NRG1: variants seen among roughly 807,000 people sequenced by gnomAD.
NRG1 encodes the protein neuregulin 1.
NRG1 carries 18 observed loss-of-function variants against 63.8 expected under a neutral mutation model. The observed-to-expected ratio is 0.28, with a 90% CI of 0.19 to 0.42. The LOEUF (loss-of-function observed/expected upper bound fraction) is 0.42, where lower values mean the gene tolerates loss of function less well. Among genes scored for constraint, NRG1 ranks in the 10% least tolerant of loss-of-function variants. The pLI is 1.00. For missense variants in NRG1, 762 were observed against 814.7 expected (o/e 0.94, Z 0.79); for synonymous variants, 302 against 301.3 (o/e 1.00, Z -0.02).
At chr8:31,876,529 T>A (rs1181540903) in intron 1 of NRG1, among the ~76,000 whole-genome samples, 1 of 152,046 alleles carries the variant, frequency 6.6e-6, no homozygotes, top group East Asian at 1.9e-4. Flanking sequence ...GTTGAGAGAG[T>A]GAATAAATGG....
At position 32,242,869 on chromosome 8, in the gene NRG1, T is replaced by A. The variant is rs569013366; in HGVS notation, c.38-352959T>A. Reference sequence around the variant, plus strand: ...ATATTGCTCAAGGTTATCCAGTGTATTGGTTTGCTAGGGCTCTGTAACAAA... The same window carrying A: ...ATATTGCTCAAGGTTATCCAGTGTAATGGTTTGCTAGGGCTCTGTAACAAA... On this transcript the variant is annotated intron_variant, in intron 1 of 10. Coordinates refer to the NRG1 transcript ENST00000519301. Among the ~76,000 whole-genome samples, 3 of 152,334 alleles carry A rather than the reference T, an allele frequency of 2.0e-5. No homozygotes were observed. The South Asian group carries it at 6.2e-4, about 32-fold the overall frequency.
At chr8:31,830,191 A>G (rs1824971031) in intron 1 of NRG1, among the ~76,000 whole-genome samples, 1 of 152,232 alleles carries the variant, frequency 6.6e-6, no homozygotes, top group Admixed American at 6.5e-5. Context: ...GAATGAATAA[A>G]TAAATAAACA....
At chr8:32,286,368 G>A (rs1003758563) in intron 1 of NRG1, among the ~76,000 whole-genome samples, 3 of 152,206 alleles carry the variant, frequency 2.0e-5, no homozygotes, top group African/African-American at 7.2e-5. Flanking sequence ...GGGGCTGATG[G>A]TCAGGGATGG....
rs541909171 is a variant in NRG1, at chr8:32,650,582, T to G, written c.502+33697T>G. ...TTGAAAGGGATTGGTCCAGGCAGCT[T>G]TGTTTTTAGAGACTTGTAAGTGGTT... is the stretch of plus-strand genomic sequence containing the variant. On this transcript the variant is annotated intron_variant, in intron 5 of 11. Coordinates refer to ENST00000356819, the Ensembl canonical transcript of NRG1. Among the ~76,000 whole-genome samples, 4 of 150,716 alleles carry G rather than the reference T, an allele frequency of 2.7e-5. No individual in the cohort carries two copies. The South Asian group carries it at 8.4e-4, about 32-fold the overall frequency.
rs58796067 is a variant in NRG1, at chr8:32,640,620, GCACACACACA to G, written c.502+23768_502+23777del. Reference sequence around the variant, plus strand: ...CCTTCATCCCAAAGATCTCAGACCCGCACACACACACACACACACACACACACACACACAC... The same window carrying G: ...CCTTCATCCCAAAGATCTCAGACCCGCACACACACACACACACACACACAC... On this transcript the variant is annotated intron_variant, in intron 5 of 11. Transcript: ENST00000356819. Among the ~76,000 whole-genome samples, 172 of 132,288 alleles carry G rather than the reference GCACACACACA, an allele frequency of 1.3e-3. 1 individual carries two copies. In the East Asian group the frequency reaches 0.014, roughly 10 times the overall value. 86.8% of individuals were successfully genotyped at this position (132,288 alleles called of 152,430 possible). A position where few individuals can be genotyped will look rare whatever the true frequency, so the allele number is the denominator to read the frequency against.
chr8:31,868,147 TACACACAC>T (rs1047085862), intron 1 of NRG1, among the ~76,000 whole-genome samples: 12 of 32,636 alleles, frequency 3.7e-4, no homozygotes, highest in African/African-American at 5.8e-4. Flanking sequence ...ACATACATCT[TACACACAC>T]ACACACACAC....
At chr8:32,350,737 T>C in intron 1 of NRG1, among the ~76,000 whole-genome samples, 1 of 152,118 alleles carries the variant, frequency 6.6e-6, no homozygotes, top group East Asian at 1.9e-4. Context: ...ATAAAATAAC[T>C]AATATAGGAA....
At chr8:31,834,458 G>C (rs959099982) in intron 1 of NRG1, among the ~76,000 whole-genome samples, 1 of 152,190 alleles carries the variant, frequency 6.6e-6, no homozygotes, top group African/African-American at 2.4e-5. Flanking sequence ...TGTAATCTCA[G>C]CAGTTTGGGA....
rs146765365 is a variant in NRG1, at chr8:32,694,638, T to A, written c.503-33311T>A. 7.1e-3 allele frequency among the ~76,000 whole-genome samples: 1,088 copies of A among 152,316 alleles called. 7 individuals are homozygous for A. Among genetic ancestry groups the A allele is most frequent in the South Asian group, 0.025 (122 of 4,832 alleles). On this transcript the variant is annotated intron_variant, in intron 5 of 11. Coordinates refer to ENST00000356819, the Ensembl canonical transcript of NRG1. ...TGAGCCTAAATAAAATTAGGTCATG[T>A]CTAAAAGATATTGTCCTTTGAATTA...
At chr8:32,305,919 G>T (rs75658937) in intron 1 of NRG1, among the ~76,000 whole-genome samples, 305 of 152,274 alleles carry the variant, frequency 2.0e-3, no homozygotes, top group African/African-American at 6.9e-3. Context: ...CAGCCCTGTT[G>T]GCTGTGTGAT....
At chr8:32,417,304 C>A (rs181731281) in intron 1 of NRG1, among the ~76,000 whole-genome samples, 73 of 152,236 alleles carry the variant, frequency 4.8e-4, no homozygotes, top group Non-Finnish European at 8.2e-4. Flanking sequence ...GTATGTTGAT[C>A]AAAATGCCCT....
intron 1 of NRG1, among the ~76,000 whole-genome samples, chr8:32,356,744 G>C (rs1177449523): frequency 6.6e-6 from 1 of 152,172 alleles, no homozygotes; most frequent in African/African-American, 2.4e-5. Context: ...GTGGCTGCAG[G>C]CTGCATGTCC....
intron 1 of NRG1, among the ~76,000 whole-genome samples, chr8:32,137,495 T>C (rs1585577056): frequency 6.6e-6 from 1 of 152,256 alleles, no homozygotes; most frequent in South Asian, 2.1e-4. Flanking sequence ...GTTAAGTATA[T>C]ATTTTTCTAT....
At chr8:32,590,389 C>T (rs903165939) in intron 1 of NRG1, among the ~76,000 whole-genome samples, 6 of 152,124 alleles carry the variant, frequency 3.9e-5, no homozygotes, top group Non-Finnish European at 7.4e-5. Context: ...TTATGAACTG[C>T]GGTAGACCAA....
intron 1 of NRG1, among the ~76,000 whole-genome samples, chr8:31,866,594 T>C (rs1828984234): frequency 6.6e-6 from 1 of 152,150 alleles, no homozygotes; most frequent in African/African-American, 2.4e-5. Flanking sequence ...AATTCTCCTA[T>C]AATATGCTAC....
intron 1 of NRG1, among the ~76,000 whole-genome samples, chr8:31,931,073 G>A (rs1293050489): frequency 1.3e-5 from 2 of 151,958 alleles, no homozygotes; most frequent in African/African-American, 2.4e-5. Context: ...TATTTCCACC[G>A]GACTTTTGCT....
intron 1 of NRG1, among the ~76,000 whole-genome samples, chr8:32,285,776 A>G (rs1853446968): frequency 6.6e-6 from 1 of 152,178 alleles, no homozygotes; most frequent in African/African-American, 2.4e-5. Flanking sequence ...TTTATGGCGA[A>G]CAGAAAGCTG....
At chr8:32,347,630 C>T (rs1030652161) in intron 1 of NRG1, among the ~76,000 whole-genome samples, 2 of 152,140 alleles carry the variant, frequency 1.3e-5, no homozygotes, top group African/African-American at 2.4e-5. Flanking sequence ...ACATGAAGGT[C>T]TGTAGCCGTG....
At chr8:32,339,732 C>A (rs2632006) in intron 1 of NRG1, among the ~76,000 whole-genome samples, 133,752 of 152,234 alleles carry the variant, frequency 0.88, 59,214 homozygotes, top group African/African-American at 0.97. Flanking sequence ...CTGTAGTCAC[C>A]GCCAATAAGT....
Sources: allele counts gnomAD v4.1 joint callset (sites outside exome capture counted in the v4.1 genomes callset), GRCh38; gene constraint gnomAD v4.1.1; transcripts MANE v1.5; gene names NCBI Gene and HGNC (gene_info 2026-07-23, HGNC 2026-07-21).